The following PDE6A variants were observed in gnomAD, a reference collection of about 807,000 sequenced individuals.
PDE6A encodes rod cGMP-specific 3',5'-cyclic phosphodiesterase subunit alpha.
Under a neutral mutation model 106.3 loss-of-function variants are expected in PDE6A, and 84 were observed. That is an observed-to-expected ratio of 0.79 (90% CI 0.66 to 0.95). The LOEUF (loss-of-function observed/expected upper bound fraction) is 0.95. Ranked by LOEUF, PDE6A falls within the 40% of genes least tolerant of loss-of-function variation. The pLI, the probability that PDE6A is intolerant of heterozygous loss-of-function variation, is 0.00. For synonymous variants in PDE6A, 394 were observed against 386.6 expected (o/e 1.02, Z -0.23); for missense variants, 1,052 against 1,084.9 (o/e 0.97, Z 0.43).
chr5:149,867,223 C>T (rs544451744), intron 19 of PDE6A: 49 of 191,612 alleles, frequency 2.6e-4, no homozygotes, highest in East Asian at 6.1e-4. Context: ...GCTGCTCTTC[C>T]GATCTCCCCA....
At chr5:149,880,149 G>A (rs879751499) in intron 17 of PDE6A, among the ~76,000 whole-genome samples, 3 of 151,862 alleles carry the variant, frequency 2.0e-5, no homozygotes, top group African/African-American at 2.4e-5. Flanking sequence ...GGTTATTCTT[G>A]CATACTCATT....
intron 17 of PDE6A, among the ~76,000 whole-genome samples, chr5:149,875,729 T>A (rs917629090): frequency 3.3e-5 from 5 of 152,166 alleles, no homozygotes; most frequent in Non-Finnish European, 5.9e-5. Context: ...GCTCAAGCCA[T>A]CCTCTCGCCT....
intron 7 of PDE6A, among the ~76,000 whole-genome samples, chr5:149,905,884 G>T (rs917722635): frequency 1.3e-5 from 2 of 152,012 alleles, no homozygotes; most frequent in Non-Finnish European, 2.9e-5. Context: ...TAGAGACAGG[G>T]TCTCCCTCTG....
At chr5:149,904,870 G>T (rs1396926271) in intron 7 of PDE6A, among the ~76,000 whole-genome samples, 1 of 152,012 alleles carries the variant, frequency 6.6e-6, no homozygotes, top group East Asian at 1.9e-4. Flanking sequence ...AATCCTTCCT[G>T]CATCCATCAT....
chr5:149,922,330 G>C (rs113293686), intron 4 of PDE6A, among the ~76,000 whole-genome samples: 14,548 of 149,370 alleles, frequency 0.097, 750 homozygotes, highest in South Asian at 0.14. Context: ...TATTATTTTG[G>C]AGACAGGGTC....
At chr5:149,934,445 G>C (rs1754128197) in intron 2 of PDE6A, 121 bp downstream of exon 2, 1 of 944,284 alleles carries the variant, frequency 1.1e-6, no homozygotes, top group East Asian at 2.4e-5. Flanking sequence ...AGAACATCAG[G>C]TGAATTCCCT....
chr5:149,876,349 CTTT>C (rs896643767), intron 17 of PDE6A, among the ~76,000 whole-genome samples: 1,261 of 120,088 alleles, frequency 0.011, 19 homozygotes, highest in African/African-American at 0.031. Context: ...CATTTTTCCT[CTTT>C]TTTTTTTTTT....
chr5:149,919,439 C>T lies in PDE6A; in HGVS notation c.933+2196G>A, dbSNP rs760716436. On this transcript the variant is annotated intron_variant, in intron 5 of 21. Transcript: ENST00000255266. ...AGGAGAATTGCTTGAGCCCAGGAGGCGGAGGTTGCAGTGAGCTGAGATCAT... is the reference window on the plus strand; with the variant it reads ...AGGAGAATTGCTTGAGCCCAGGAGGTGGAGGTTGCAGTGAGCTGAGATCAT... Among the ~76,000 whole-genome samples, 5 of 152,206 alleles carry T rather than the reference C, an allele frequency of 3.3e-5. No individual in the cohort carries two copies. In the East Asian group the frequency reaches 5.8e-4, roughly 18 times the overall value.
In PDE6A at chr5:149,904,128, T is replaced by A. The variant is rs532918397; in HGVS notation, c.1066-433A>T. ...CAGCAGTGGTGGCGTGCGCCTGTAA[T>A]CCCAGCTACTCTGGAGGTTGAGGTG... On this transcript the variant is annotated intron_variant, in intron 7 of 21. Coordinates refer to ENST00000255266, the MANE Select transcript of PDE6A (RefSeq NM_000440.3). 2.3e-3 allele frequency among the ~76,000 whole-genome samples: 346 copies of A among 152,292 alleles called. 3 individuals are homozygous for A. The highest frequency in any genetic ancestry group is 7.9e-3 in the African/African-American group (328 of 41,564).
intron 5 of PDE6A, among the ~76,000 whole-genome samples, chr5:149,920,435 G>C (rs899569307): frequency 1.3e-5 from 2 of 152,074 alleles, no homozygotes; most frequent in Admixed American, 6.6e-5. Context: ...ACGAAAATTA[G>C]CCAGGTATGG....
At chr5:149,936,284 A>C (rs1754182918) in intron 1 of PDE6A, among the ~76,000 whole-genome samples, 1 of 152,230 alleles carries the variant, frequency 6.6e-6, no homozygotes, top group South Asian at 2.1e-4. Flanking sequence ...CATTATTATC[A>C]GTGAAGCTGT....
chr5:149,895,323 A>G (rs1366147744), intron 12 of PDE6A, 33 bp from the exon 13 acceptor site: 1 of 1,414,428 alleles, frequency 7.1e-7, no homozygotes, highest in Non-Finnish European at 1.0e-6. Context: ...GAGGCAGGAC[A>G]CACCTGAAAT....
At chr5:149,936,204 A>AGGAAGGAAGGAAGGAAGGAG (rs70973556) in intron 1 of PDE6A, among the ~76,000 whole-genome samples, 1 of 151,766 alleles carries the variant, frequency 6.6e-6, no homozygotes, top group African/African-American at 2.4e-5. Context: ...GAAGGAAGGA[A>AGGAAGGAAGGAAGGAAGGAG]TTCAGAGCAT....
intron 17 of PDE6A, among the ~76,000 whole-genome samples, chr5:149,874,220 A>G (rs993470792): frequency 7.9e-5 from 12 of 152,212 alleles, no homozygotes; most frequent in African/African-American, 2.9e-4. Flanking sequence ...ATCACATTCT[A>G]CAGGTTAAAG....
intron 5 of PDE6A, among the ~76,000 whole-genome samples, chr5:149,918,672 C>T (rs551942336): frequency 2.0e-5 from 3 of 152,192 alleles, no homozygotes; most frequent in Admixed American, 1.3e-4. Flanking sequence ...AGTGCAGTGG[C>T]ACAATCTTGG....
chr5:149,918,418 T>G lies in PDE6A; in HGVS notation c.933+3217A>C, dbSNP rs183832871. Among the ~76,000 whole-genome samples, 5 of 152,266 alleles carry G rather than the reference T, an allele frequency of 3.3e-5. No homozygotes were observed. In the East Asian group the frequency reaches 9.6e-4, roughly 29 times the overall value. On this transcript the variant is annotated intron_variant, in intron 5 of 21. Coordinates refer to ENST00000255266, the MANE Select transcript of PDE6A (RefSeq NM_000440.3). ...GTGGTGGTGGTGGAATACGTATACT[T>G]CTCTGTGGATATCTGGATATACCTA...
intron 17 of PDE6A, among the ~76,000 whole-genome samples, chr5:149,873,539 C>T (rs111630207): frequency 1.8e-4 from 27 of 152,174 alleles, no homozygotes; most frequent in African/African-American, 6.5e-4. Flanking sequence ...ATCACGTTGA[C>T]CAGGTTGGTC....
chr5:149,913,631 CAGTTGG>C (rs1243067711), intron 6 of PDE6A, among the ~76,000 whole-genome samples: 3 of 152,110 alleles, frequency 2.0e-5, no homozygotes, highest in Non-Finnish European at 4.4e-5. Context: ...TAAATCCCTT[CAGTTGG>C]ACAAAATTGC....
intron 13 of PDE6A, among the ~76,000 whole-genome samples, chr5:149,893,991 A>T (rs113396226): frequency 6.6e-6 from 1 of 152,176 alleles, no homozygotes; most frequent in Non-Finnish European, 1.5e-5. Context: ...AAAGTTTCCA[A>T]TGGGGCTCCT....
Sources: allele counts gnomAD v4.1 joint callset (sites outside exome capture counted in the v4.1 genomes callset), GRCh38; gene constraint gnomAD v4.1.1; transcripts MANE v1.5; gene names NCBI Gene and HGNC (gene_info 2026-07-23, HGNC 2026-07-21).